The following FRMPD4 variants were observed in gnomAD, a reference collection of about 807,000 sequenced individuals.
FRMPD4 encodes the protein FERM and PDZ domain containing 4.
A neutral mutation model predicts 94.1 loss-of-function variants in FRMPD4; 22 were observed. The ratio of observed to expected loss-of-function variants is 0.23; its 90% CI spans 0.17 to 0.33. The LOEUF (loss-of-function observed/expected upper bound fraction) is 0.33. Among genes scored for constraint, FRMPD4 ranks in the 10% least tolerant of loss-of-function variants. The pLI, the probability that FRMPD4 is intolerant of heterozygous loss-of-function variation, is 1.00. For synonymous variants in FRMPD4, 631 were observed against 548.6 expected, an observed-to-expected ratio of 1.15 and a Z score of -2.10; for missense variants, 1,111 against 1,339.9, an observed-to-expected ratio of 0.83 and a Z score of 2.67.
At chrX:11,848,438 A>G (rs1413819275) in intron 1 of FRMPD4, among the ~76,000 whole-genome samples, 1 of 110,711 alleles carries the variant, frequency 9.0e-6, no homozygotes, top group South Asian at 3.8e-4. Flanking sequence ...TAGGGTTTCT[A>G]CTGTCTGCTG....
In FRMPD4 at chrX:12,718,303, A is replaced by G; in HGVS notation, c.3477A>G (p.Ser1159=). The part of the protein sequence containing the change: ...RFLTDVTCAS[S]AKDLDNPEDA... ...TAACTGACGTGACCTGTGCATCTTC[A>G]GCCAAAGACTTAGATAACCCAGAGG... The change falls in exon 16 of 17, where the codon TCA becomes TCG. Residue 1159 remains serine (S), a synonymous_variant. Transcript: ENST00000675598. 1 of 1,211,411 alleles carries G rather than the reference A, an allele frequency of 8.3e-7. No individual in the cohort carries two copies. The highest frequency in any genetic ancestry group is 1.8e-5 in the South Asian group (1 of 56,974).
In FRMPD4 at chrX:12,329,208, T is replaced by C. The variant is rs753436378; in HGVS notation, c.42-169472T>C. Reference sequence around the variant, plus strand: ...GGCATCTCTAAGCAGCCTTCCTTCCTTCTGGGTGTGGGGCAGAACCCTCTC... The same window carrying C: ...GGCATCTCTAAGCAGCCTTCCTTCCCTCTGGGTGTGGGGCAGAACCCTCTC... On this transcript the variant is annotated intron_variant, in intron 1 of 16. Coordinates refer to ENST00000675598, the MANE Select transcript of FRMPD4 (RefSeq NM_001368397.1). Among the ~76,000 whole-genome samples the C allele has an allele frequency of 3.3e-4, 37 of 112,126 alleles. 1 individual carries two copies. The highest frequency in any genetic ancestry group is 1.2e-3 in the African/African-American group (37 of 30,932).
chrX:12,315,062 A>G (rs2055093607), intron 1 of FRMPD4, among the ~76,000 whole-genome samples: 1 of 111,753 alleles, frequency 8.9e-6, no homozygotes, highest in Admixed American at 9.4e-5. Flanking sequence ...CGTAGCTACC[A>G]TTTTGCATGT....
intron 4 of FRMPD4, among the ~76,000 whole-genome samples, chrX:12,652,749 C>T (rs964414022): frequency 1.8e-5 from 2 of 111,969 alleles, no homozygotes; most frequent in Admixed American, 9.5e-5. Flanking sequence ...AAATCTATTT[C>T]GTATGTCTCT....
At chrX:12,633,773 C>T (rs753547061) in intron 4 of FRMPD4, among the ~76,000 whole-genome samples, 9 of 112,185 alleles carry the variant, frequency 8.0e-5, no homozygotes, top group African/African-American at 2.9e-4. Flanking sequence ...TCAAATCAGA[C>T]TTATTCCAAT....
intron 1 of FRMPD4, among the ~76,000 whole-genome samples, chrX:12,158,515 A>C: frequency 8.9e-6 from 1 of 112,337 alleles, no homozygotes; most frequent in Non-Finnish European, 1.9e-5. Flanking sequence ...CAAGAACTAG[A>C]ATACAACTTG....
intron 1 of FRMPD4, among the ~76,000 whole-genome samples, chrX:12,235,344 C>T (rs1217125126): frequency 8.9e-6 from 1 of 112,025 alleles, no homozygotes; most frequent in Non-Finnish European, 1.9e-5. Flanking sequence ...TCTTACAAAC[C>T]TAAATTTAAT....
intron 3 of FRMPD4, among the ~76,000 whole-genome samples, chrX:11,924,094 C>T (rs367738603): frequency 1.0e-3 from 113 of 112,158 alleles, no homozygotes; most frequent in African/African-American, 3.4e-3. Flanking sequence ...TGTAACCAAT[C>T]TGAGAGAGCT....
intron 1 of FRMPD4, among the ~76,000 whole-genome samples, chrX:12,367,049 A>C (rs948544833): frequency 8.9e-6 from 1 of 111,870 alleles, no homozygotes; most frequent in Non-Finnish European, 1.9e-5. Flanking sequence ...TGGGGGCATC[A>C]GGAGACCAAG....
intron 1 of FRMPD4, among the ~76,000 whole-genome samples, chrX:11,841,775 G>T (rs1433907054): frequency 5.9e-5 from 6 of 102,089 alleles, no homozygotes; most frequent in East Asian, 3.1e-4. Context: ...GTCAATTTTG[G>T]CTTTTGTTGC....
At chrX:12,297,903 C>A (rs1207275345) in intron 1 of FRMPD4, among the ~76,000 whole-genome samples, 2 of 111,066 alleles carry the variant, frequency 1.8e-5, no homozygotes, top group Admixed American at 1.9e-4. Flanking sequence ...GGCAGCCTAC[C>A]AAAATACAGG....
At chrX:12,171,047 G>T (rs750254216) in intron 1 of FRMPD4, among the ~76,000 whole-genome samples, 1 of 113,358 alleles carries the variant, frequency 8.8e-6, no homozygotes, top group Non-Finnish European at 1.9e-5. Context: ...GGTCTGTTAA[G>T]TGAAGATATT....
chrX:11,849,933 A>G lies in FRMPD4; in HGVS notation c.-160-15153A>G, dbSNP rs139126682. Among the ~76,000 whole-genome samples, 595 of 112,068 alleles carry G rather than the reference A, an allele frequency of 5.3e-3. 1 individual carries two copies. The highest frequency in any genetic ancestry group is 9.1e-3 in the Non-Finnish European group (484 of 53,111). ...AAAATAAAAATAGATAAACCGGATT[A>G]TGTCAAAATTTAAAACATCTGTGCA... is the stretch of plus-strand genomic sequence containing the variant. On this transcript the variant is annotated intron_variant, in intron 1 of 18. Transcript: ENST00000640291.
At chrX:12,116,217 C>G (rs1316219354) in intron 3 of FRMPD4, among the ~76,000 whole-genome samples, 1 of 112,501 alleles carries the variant, frequency 8.9e-6, no homozygotes, top group Non-Finnish European at 1.9e-5. Flanking sequence ...ATTCCCAGCT[C>G]TATCACACTT....
At chrX:12,699,312 C>A (rs1202916047) in intron 9 of FRMPD4, among the ~76,000 whole-genome samples, 1 of 112,353 alleles carries the variant, frequency 8.9e-6, no homozygotes, top group East Asian at 2.8e-4. Flanking sequence ...TATCTCCTGT[C>A]TCTGGACAGA....
intron 1 of FRMPD4, among the ~76,000 whole-genome samples, chrX:12,438,195 C>T (rs781488468): frequency 1.1e-4 from 12 of 110,603 alleles, no homozygotes; most frequent in Admixed American, 5.8e-4. Flanking sequence ...ACTATTTCCA[C>T]AATTTTAGTA....
At chrX:12,163,668 C>G (rs1030582539) in intron 1 of FRMPD4, among the ~76,000 whole-genome samples, 7 of 112,016 alleles carry the variant, frequency 6.2e-5, no homozygotes, top group Non-Finnish European at 1.9e-5. Flanking sequence ...CAATGAATGA[C>G]TTCATGGGGC....
Position 12,124,457 on chromosome X carries a change from G to A in FRMPD4, c.95+246439G>A, listed in dbSNP as rs770793709. Among the ~76,000 whole-genome samples, 3 of 111,401 alleles carry A rather than the reference G, an allele frequency of 2.7e-5. No individual in the cohort carries two copies. In the South Asian group the frequency reaches 1.1e-3, roughly 42 times the overall value. On this transcript the variant is annotated intron_variant, in intron 3 of 18. Coordinates refer to the FRMPD4 transcript ENST00000640291. ...CCTATTTCATAATTTGAGACCTGAG[G>A]AAAACAGATATTGGCCTCCAAAATA...
At chrX:12,282,195 C>G (rs1338334624) in intron 1 of FRMPD4, among the ~76,000 whole-genome samples, 1 of 111,838 alleles carries the variant, frequency 8.9e-6, no homozygotes, top group Non-Finnish European at 1.9e-5. Flanking sequence ...CTCACCTTTT[C>G]CTTGACCCAT....
Sources: gnomAD v4.1 joint callset for allele counts (sites outside exome capture counted in the v4.1 genomes callset) on GRCh38, gnomAD v4.1.1 for gene constraint, MANE v1.5 for transcripts, NCBI Gene and HGNC (gene_info 2026-07-23, HGNC 2026-07-21) for gene names.